The following SHROOM2 variants were observed in gnomAD, a reference collection of about 807,000 sequenced individuals.
SHROOM2 encodes the protein protein Shroom2.
SHROOM2 carries 33 observed loss-of-function variants against 75.9 expected under a neutral mutation model. That is an observed-to-expected ratio of 0.43 (90% CI 0.33 to 0.58). The LOEUF is 0.58. Among genes scored for constraint, SHROOM2 ranks in the 20% least tolerant of loss-of-function variants. The probability of loss-of-function intolerance (pLI) is 0.04; values close to 1 mark genes in which losing one functional copy is unlikely to be tolerated. For synonymous variants in SHROOM2, 655 were observed against 663.6 expected (o/e 0.99, Z 0.20); for missense variants, 1,434 against 1,461.2 (o/e 0.98, Z 0.30).
At chrX:9,808,253 T>G (rs2083767540) in intron 1 of SHROOM2, among the ~76,000 whole-genome samples, 1 of 109,996 alleles carries the variant, frequency 9.1e-6, no homozygotes, top group African/African-American at 3.3e-5. Flanking sequence ...TTTTCTTGAG[T>G]TTTTTAATTA....
rs200547169 is a variant in SHROOM2, at chrX:9,896,644, G to T, written c.2736G>T (p.Pro912=). ...LDVSLDPQER[P]QHVHGRSRSS... The stretch of plus-strand genomic sequence containing the variant: ...TGAGCCTGGACCCACAGGAGAGGCC[G>T]CAGCACGTTCATGGGAGGTCCCGGT... Residue 912 remains proline, a synonymous_variant, in exon 4 of 10, where the codon CCG becomes CCT. Coordinates refer to ENST00000380913, the MANE Select transcript of SHROOM2 (RefSeq NM_001649.4). 2 of 1,203,819 alleles carry T rather than the reference G, an allele frequency of 1.7e-6. No individual in the cohort carries two copies. The highest frequency in any genetic ancestry group is 4.4e-5 in the Admixed American group (2 of 45,134).
At chrX:9,828,922 G>A (rs753340573) in intron 1 of SHROOM2, among the ~76,000 whole-genome samples, 6 of 112,964 alleles carry the variant, frequency 5.3e-5, no homozygotes, top group African/African-American at 1.9e-4. Context: ...TAAACCAGAT[G>A]CTAATCCTTT....
chrX:9,815,211 C>T (rs1031775463), intron 1 of SHROOM2, among the ~76,000 whole-genome samples: 7 of 111,406 alleles, frequency 6.3e-5, no homozygotes, highest in Non-Finnish European at 1.3e-4. Context: ...TTGCATAACT[C>T]TCTAAATGGT....
intron 1 of SHROOM2, among the ~76,000 whole-genome samples, chrX:9,825,992 C>T (rs940140553): frequency 8.9e-6 from 1 of 112,435 alleles, no homozygotes; most frequent in African/African-American, 3.2e-5. Flanking sequence ...TGGGTGACTC[C>T]ACCTGTGGCC....
chrX:9,946,624 C>T (rs1375570557), intron 9 of SHROOM2, 47 bp from the exon 10 acceptor site: 6 of 1,167,839 alleles, frequency 5.1e-6, no homozygotes, highest in Non-Finnish European at 4.6e-6. Context: ...TGGCCAGTGC[C>T]CCAGCTTTCA....
intron 5 of SHROOM2, among the ~76,000 whole-genome samples, chrX:9,918,870 C>T (rs2084514822): frequency 8.9e-6 from 1 of 112,018 alleles, no homozygotes; most frequent in African/African-American, 3.2e-5. Flanking sequence ...GGCTCCACCT[C>T]TTCATCCTAT....
chrX:9,864,219 A>G (rs2084120755), intron 1 of SHROOM2, among the ~76,000 whole-genome samples: 1 of 111,250 alleles, frequency 9.0e-6, no homozygotes, highest in Non-Finnish European at 1.9e-5. Context: ...ACAGTCACTC[A>G]CCGTTATCAG....
chrX:9,848,559 TTTAAGTTCTACATGTCTAGAGATA>T (rs1285661539), intron 1 of SHROOM2, among the ~76,000 whole-genome samples: 1 of 104,500 alleles, frequency 9.6e-6, no homozygotes, highest in Non-Finnish European at 2.0e-5. Flanking sequence ...TATCTAAGTA[TTTAAGTTCTACATGTCTAGAGATA>T]AAACTCTCTT....
chrX:9,791,519 T>G (rs1372136662), intron 1 of SHROOM2, among the ~76,000 whole-genome samples: 3 of 112,015 alleles, frequency 2.7e-5, no homozygotes, highest in Non-Finnish European at 5.6e-5. Context: ...TGAATGGACT[T>G]TTTATTCAGG....
intron 6 of SHROOM2, among the ~76,000 whole-genome samples, chrX:9,935,143 A>G (rs966899868): frequency 9.1e-6 from 1 of 110,422 alleles, no homozygotes; most frequent in Non-Finnish European, 1.9e-5. Flanking sequence ...TATTGTGCAC[A>G]TCAAATTTCT....
chrX:9,809,123 C>A (rs1044659440), intron 1 of SHROOM2, among the ~76,000 whole-genome samples: 2 of 101,098 alleles, frequency 2.0e-5, no homozygotes, highest in Non-Finnish European at 4.0e-5. Flanking sequence ...AGAGACAGAA[C>A]TAATAGGAAA....
Position 9,815,480 on chromosome X carries a change from G to GTGTA in SHROOM2, c.165+28771_165+28772insGTAT, listed in dbSNP as rs542594786. Among the ~76,000 whole-genome samples the GTGTA allele has an allele frequency of 2.7e-4, 24 of 87,786 alleles. No homozygotes were observed. The South Asian group carries it at 6.8e-3, about 25-fold the overall frequency. 76.2% of individuals were successfully genotyped at this position (87,786 alleles called of 115,157 possible). On this transcript the variant is annotated intron_variant, in intron 1 of 9. Coordinates refer to ENST00000380913, the MANE Select transcript of SHROOM2 (RefSeq NM_001649.4). ...TGTGTGTGTGTGTGTGTGTGTGTGT[G>GTGTA]TATATAATATCTCCTATATATCTCA...
At chrX:9,936,694 G>A (rs886208928) in intron 6 of SHROOM2, among the ~76,000 whole-genome samples, 3 of 111,798 alleles carry the variant, frequency 2.7e-5, no homozygotes, top group African/African-American at 9.8e-5. Context: ...GCAGGAACCC[G>A]CGGGCCTGCA....
chrX:9,942,445 A>C (rs1030853483), intron 8 of SHROOM2, among the ~76,000 whole-genome samples: 6 of 111,804 alleles, frequency 5.4e-5, no homozygotes, highest in Non-Finnish European at 1.1e-4. Flanking sequence ...TGCACCCCCC[A>C]CACACACCAG....
At chrX:9,834,167 A>C (rs1488039345) in intron 1 of SHROOM2, among the ~76,000 whole-genome samples, 1 of 112,043 alleles carries the variant, frequency 8.9e-6, no homozygotes, top group Non-Finnish European at 1.9e-5. Context: ...ACGGGGGTCC[A>C]TCTCAGTGTG....
intron 1 of SHROOM2, among the ~76,000 whole-genome samples, chrX:9,867,480 C>G (rs2084146777): frequency 9.0e-6 from 1 of 111,590 alleles, no homozygotes; most frequent in South Asian, 3.8e-4. Flanking sequence ...GTGGCTCTGG[C>G]ACTCCACAGA....
At chrX:9,894,305 C>T in intron 3 of SHROOM2, 53 bp from the exon 4 acceptor site, 1 of 1,126,851 alleles carries the variant, frequency 8.9e-7, no homozygotes. Flanking sequence ...TTGCCCTTTG[C>T]CATTGCTGTT....
rs776882664 is a variant in SHROOM2, at chrX:9,893,087, A to G, written c.450-1271A>G. Reference sequence around the variant, plus strand: ...CAGTTAGCTGAAAGCTGAACACAGCAGTGTGTGATATTATTATTATTATTA... The same window carrying G: ...CAGTTAGCTGAAAGCTGAACACAGCGGTGTGTGATATTATTATTATTATTA... On this transcript the variant is annotated intron_variant, in intron 3 of 9. Coordinates refer to ENST00000380913, the MANE Select transcript of SHROOM2 (RefSeq NM_001649.4). Among the ~76,000 whole-genome samples the G allele has an allele frequency of 5.8e-5, 6 of 104,326 alleles. No homozygotes were observed. In the East Asian group the frequency reaches 2.2e-3, roughly 38 times the overall value. 90.6% of individuals were successfully genotyped at this position (104,326 alleles called of 115,157 possible).
At chrX:9,908,719 G>T (rs888273879) in intron 5 of SHROOM2, among the ~76,000 whole-genome samples, 30 of 110,539 alleles carry the variant, frequency 2.7e-4, no homozygotes, top group African/African-American at 9.9e-4. Context: ...CACTTTGGGA[G>T]GCTGAGAGGA....
Sources: allele counts gnomAD v4.1 joint callset (sites outside exome capture counted in the v4.1 genomes callset), GRCh38; gene constraint gnomAD v4.1.1; transcripts MANE v1.5; gene names NCBI Gene and HGNC (gene_info 2026-07-23, HGNC 2026-07-21).